Variants in PTPRG observed in about 807,000 individuals in gnomAD.
PTPRG encodes the protein receptor-type tyrosine-protein phosphatase gamma.
In PTPRG, 102 loss-of-function variants were observed where a neutral mutation model predicts 165.3. The observed-to-expected ratio is 0.62, with a 90% CI of 0.53 to 0.73. PTPRG has a LOEUF of 0.73. PTPRG is among the 30% of genes least tolerant of loss of function. The pLI is 0.00. For missense variants in PTPRG, 1,866 were observed against 1,861.4 expected, an observed-to-expected ratio of 1.00 and a Z score of -0.05; for synonymous variants, 675 against 669.5, an observed-to-expected ratio of 1.01 and a Z score of -0.13.
chr3:61,562,099 T>G lies in PTPRG; in HGVS notation c.-189T>G. On this transcript the variant is annotated 5_prime_UTR_variant, in exon 1 of 30. Transcript: ENST00000474889. The stretch of plus-strand genomic sequence containing the variant: ...GTGGCTCTGCGTTCCCGGTCACTTT[T>G]TGAGATTTTCCGGGGGGCGCTCGGC... The G allele has an allele frequency of 1.7e-6, 1 of 578,634 alleles. No individual in the cohort carries two copies. 35.8% of individuals were successfully genotyped at this position (578,634 alleles called of 1,614,324 possible). A position where few individuals can be genotyped will look rare whatever the true frequency, so the allele number is the denominator to read the frequency against.
intron 2 of PTPRG, among the ~76,000 whole-genome samples, chr3:61,885,468 A>G (rs939297061): frequency 1.3e-5 from 2 of 151,140 alleles, no homozygotes; most frequent in Non-Finnish European, 2.9e-5. Context: ...GGACTCGTGT[A>G]TGTGCAGTCT....
intron 1 of PTPRG, among the ~76,000 whole-genome samples, chr3:61,686,178 A>G (rs1703627215): frequency 6.6e-6 from 1 of 152,128 alleles, no homozygotes; most frequent in Non-Finnish European, 1.5e-5. Flanking sequence ...GAACTTAAAT[A>G]TTAAGGTTCT....
At chr3:61,946,281 C>T (rs992498872) in intron 2 of PTPRG, among the ~76,000 whole-genome samples, 23 of 152,254 alleles carry the variant, frequency 1.5e-4, no homozygotes, top group African/African-American at 4.8e-4. Flanking sequence ...AGCAACTCTA[C>T]AATTGGCAGG....
At chr3:61,825,898 G>C (rs556675946) in intron 2 of PTPRG, among the ~76,000 whole-genome samples, 59 of 151,686 alleles carry the variant, frequency 3.9e-4, no homozygotes, top group African/African-American at 1.3e-3. Context: ...TAATTTTCCT[G>C]CCTCAGCCTC....
At chr3:61,582,319 T>A (rs1310627346) in intron 1 of PTPRG, among the ~76,000 whole-genome samples, 1 of 152,138 alleles carries the variant, frequency 6.6e-6, no homozygotes, top group African/African-American at 2.4e-5. Context: ...GCTGAGTATA[T>A]CATATATTCA....
In PTPRG at chr3:62,255,335, TTTTTC is replaced by T; in HGVS notation, c.2559+126_2559+130del. On this transcript the variant is annotated intron_variant, in intron 16 of 29. Transcript: ENST00000474889. The surrounding 1 kb of genome is among the most constrained non-coding windows in gnomAD (Gnocchi z 4.0). ...AAAACAGTAACTACGGAAAGTGGAG[TTTTTC>T]TTTTCATCTATTATTTTAATAGGCA... 5 of 734,818 alleles carry T rather than the reference TTTTTC, an allele frequency of 6.8e-6. No individual in the cohort carries two copies. Among genetic ancestry groups the T allele is most frequent in the Non-Finnish European group, 1.1e-5 (5 of 459,606 alleles). The allele number at this position is 734,818 out of a possible 1,614,324, so 45.5% of individuals were successfully genotyped here.
At chr3:61,678,991 A>G (rs1461965591) in intron 1 of PTPRG, among the ~76,000 whole-genome samples, 1 of 151,778 alleles carries the variant, frequency 6.6e-6, no homozygotes, top group Admixed American at 6.6e-5. Context: ...CCGTTAAGTG[A>G]CGACAGTCAT....
chr3:62,274,047 G>T (rs1371749801), intron 23 of PTPRG, among the ~76,000 whole-genome samples: 1 of 152,146 alleles, frequency 6.6e-6, no homozygotes, highest in Non-Finnish European at 1.5e-5. Context: ...GATATACAGT[G>T]TTGTATTTTC....
At chr3:62,019,522 C>CAAA (rs57682254) in intron 4 of PTPRG, among the ~76,000 whole-genome samples, 3 of 93,888 alleles carry the variant, frequency 3.2e-5, no homozygotes, top group Non-Finnish European at 4.5e-5. Flanking sequence ...GACCCCATCT[C>CAAA]AAAAAAAAAA....
At chr3:62,166,489 T>C (rs1201019744) in intron 7 of PTPRG, among the ~76,000 whole-genome samples, 1 of 151,000 alleles carries the variant, frequency 6.6e-6, no homozygotes, top group African/African-American at 2.4e-5. Context: ...GCATGCACCA[T>C]TATGCCTGGC....
chr3:61,600,275 T>G (rs1400373823), intron 1 of PTPRG, among the ~76,000 whole-genome samples: 1 of 151,740 alleles, frequency 6.6e-6, no homozygotes, highest in Non-Finnish European at 1.5e-5. Context: ...TACTCATCTT[T>G]TATTCCTTTC....
chr3:62,167,262 A>T (rs1705025610), intron 7 of PTPRG, among the ~76,000 whole-genome samples: 1 of 152,144 alleles, frequency 6.6e-6, no homozygotes, highest in Non-Finnish European at 1.5e-5. Flanking sequence ...CCGATTACCC[A>T]TCTGGTAAAT....
chr3:61,817,150 T>C (rs2035804527), intron 2 of PTPRG, among the ~76,000 whole-genome samples: 1 of 116,460 alleles, frequency 8.6e-6, no homozygotes, highest in African/African-American at 3.6e-5. Flanking sequence ...ATATTACATA[T>C]ATATAATATA....
intron 14 of PTPRG, among the ~76,000 whole-genome samples, chr3:62,239,866 A>C (rs541918154): frequency 1.1e-4 from 17 of 152,194 alleles, no homozygotes; most frequent in Admixed American, 4.6e-4. Flanking sequence ...AATTCCCTGA[A>C]ATGAGCAAGT....
intron 1 of PTPRG, among the ~76,000 whole-genome samples, chr3:61,609,197 GCTAACCATCCCT>G (rs2106868041): frequency 6.6e-6 from 1 of 152,266 alleles, no homozygotes; most frequent in African/African-American, 2.4e-5. Flanking sequence ...GTAAAATTGG[GCTAACCATCCCT>G]CTATACCTTG....
intron 28 of PTPRG, among the ~76,000 whole-genome samples, chr3:62,286,785 A>ATTAC (rs1702680763): frequency 6.6e-6 from 1 of 152,144 alleles, no homozygotes; most frequent in Admixed American, 6.6e-5. Flanking sequence ...TAGGTTACAG[A>ATTAC]TTACTTATAC....
At chr3:62,093,938 A>G (rs983794115) in intron 5 of PTPRG, among the ~76,000 whole-genome samples, 1 of 152,172 alleles carries the variant, frequency 6.6e-6, no homozygotes, top group African/African-American at 2.4e-5. Flanking sequence ...TGAGAGAGGA[A>G]GGGCAAGTTC....
At chr3:61,825,688 A>G (rs2036087410) in intron 2 of PTPRG, among the ~76,000 whole-genome samples, 1 of 151,578 alleles carries the variant, frequency 6.6e-6, no homozygotes, top group Non-Finnish European at 1.5e-5. Context: ...TGTGTCACCC[A>G]GGCTGGGGTG....
At position 61,908,379 on chromosome 3, in the gene PTPRG, C is replaced by T. The variant is rs184083007; in HGVS notation, c.191-81246C>T. 1.6e-4 allele frequency among the ~76,000 whole-genome samples: 20 copies of T among 128,788 alleles called. No homozygotes were observed. In the East Asian group the frequency reaches 3.6e-3, roughly 23 times the overall value. 84.5% of individuals were successfully genotyped at this position (128,788 alleles called of 152,430 possible). A position where few individuals can be genotyped will look rare whatever the true frequency, so the allele number is the denominator to read the frequency against. Reference sequence around the variant, plus strand: ...GGCGGAGTTTGCAGTGAGCCGGGATCGTACTACTGTACTCCAGCCTGGGCA... The same window carrying T: ...GGCGGAGTTTGCAGTGAGCCGGGATTGTACTACTGTACTCCAGCCTGGGCA... On this transcript the variant is annotated intron_variant, in intron 2 of 29. Coordinates refer to ENST00000474889, the MANE Select transcript of PTPRG (RefSeq NM_002841.4).
Sources: allele counts gnomAD v4.1 joint callset (sites outside exome capture counted in the v4.1 genomes callset), GRCh38; gene constraint gnomAD v4.1.1; non-coding constraint Gnocchi (gnomAD v3.1); transcripts MANE v1.5; gene names NCBI Gene and HGNC (gene_info 2026-07-23, HGNC 2026-07-21).